The following PCDHGA12 variants were observed in gnomAD, a reference collection of about 807,000 sequenced individuals.
The protein encoded by PCDHGA12 is protocadherin gamma-A12.
PCDHGA12 carries 43 observed loss-of-function variants against 61.1 expected under a neutral mutation model. The observed-to-expected ratio is 0.70, with a 90% CI of 0.55 to 0.91. The LOEUF (loss-of-function observed/expected upper bound fraction) is 0.91. Ranked by LOEUF, PCDHGA12 falls within the 40% of genes least tolerant of loss-of-function variation. PCDHGA12 has a pLI of 0.00. For missense variants in PCDHGA12, 1,236 were observed against 1,227.7 expected (o/e 1.01, Z -0.10); for synonymous variants, 520 against 542.9 (o/e 0.96, Z 0.59).
At position 141,432,999 on chromosome 5, in the gene PCDHGA12, A is replaced by G. The variant is rs745921704; in HGVS notation, c.2240A>G (p.Gln747Arg). The G allele has an allele frequency of 1.1e-5, 17 of 1,614,046 alleles. No individual in the cohort carries two copies. Among genetic ancestry groups the G allele is most frequent in the East Asian group, 4.5e-5 (2 of 44,862 alleles). Residue 747 changes from glutamine to arginine, a missense_variant, in exon 1 of 4, where the codon CAG (glutamine) becomes CGG (arginine). Coordinates refer to ENST00000252085, the MANE Select transcript of PCDHGA12 (RefSeq NM_003735.3). This position sits in a 1 kb window ranked among gnomAD's most constrained non-coding sequence, Gnocchi z 6.0. ...ASHFVGVDGV[Q>R]AFLQTYSHEV... ...CACTTTGTGGGCGTGGACGGGGTGC[A>G]GGCTTTCCTGCAGACCTATTCCCAC...
intron 1 of PCDHGA12, among the ~76,000 whole-genome samples, chr5:141,481,675 C>T (rs943204061): frequency 4.0e-5 from 6 of 151,490 alleles, no homozygotes; most frequent in Non-Finnish European, 5.9e-5. Context: ...AAAATCAGGC[C>T]GGGCCTGGTG....
chr5:141,480,074 A>G (rs976924380), intron 1 of PCDHGA12, among the ~76,000 whole-genome samples: 5 of 152,196 alleles, frequency 3.3e-5, no homozygotes, highest in Non-Finnish European at 7.3e-5. Flanking sequence ...TATAAGATTC[A>G]TGCATGATAT....
chr5:141,463,990 G>C (rs2099073582), intron 1 of PCDHGA12, among the ~76,000 whole-genome samples: 1 of 151,990 alleles, frequency 6.6e-6, no homozygotes, highest in Admixed American at 6.6e-5. Context: ...TAAAAACCAG[G>C]TGCAGTGGCT....
intron 1 of PCDHGA12, among the ~76,000 whole-genome samples, chr5:141,438,745 T>C (rs1004731034): frequency 4.7e-5 from 7 of 147,392 alleles, no homozygotes; most frequent in Non-Finnish European, 1.0e-4. Flanking sequence ...CACTGCAACC[T>C]CTGCCTCCTG....
At chr5:141,482,033 C>G (rs1185284483) in intron 1 of PCDHGA12, among the ~76,000 whole-genome samples, 1 of 149,194 alleles carries the variant, frequency 6.7e-6, no homozygotes, top group African/African-American at 2.5e-5. Flanking sequence ...TGCAGTGAGC[C>G]AAGATCATGC....
chr5:141,501,290 TACACACACAC>T (rs55762287), intron 2 of PCDHGA12, among the ~76,000 whole-genome samples: 44 of 136,248 alleles, frequency 3.2e-4, no homozygotes, highest in Admixed American at 7.8e-4. Context: ...TATTCCCTTA[TACACACACAC>T]ACACACACAC....
intron 1 of PCDHGA12, among the ~76,000 whole-genome samples, chr5:141,434,225 G>A (rs1591320318): frequency 6.6e-6 from 1 of 152,146 alleles, no homozygotes; most frequent in African/African-American, 2.4e-5. Flanking sequence ...AACAAAGTAC[G>A]ATTTCTGGAC....
At chr5:141,503,814 T>C (rs539980053) in intron 2 of PCDHGA12, among the ~76,000 whole-genome samples, 2 of 152,100 alleles carry the variant, frequency 1.3e-5, no homozygotes, top group East Asian at 3.9e-4. Flanking sequence ...GAATCCCAGA[T>C]TGGGCAAAAC....
intron 2 of PCDHGA12, among the ~76,000 whole-genome samples, chr5:141,503,091 G>A (rs2099818095): frequency 6.6e-6 from 1 of 151,808 alleles, no homozygotes; most frequent in African/African-American, 2.4e-5. Flanking sequence ...CTGACCTCGT[G>A]GTCTGCCCGC....
intron 1 of PCDHGA12, among the ~76,000 whole-genome samples, chr5:141,451,780 C>T (rs988572200): frequency 6.6e-6 from 1 of 152,016 alleles, no homozygotes; most frequent in Non-Finnish European, 1.5e-5. Flanking sequence ...ACTCAGGAGG[C>T]TGAGGCCAGA....
chr5:141,450,569 T>G (rs1325535745), intron 1 of PCDHGA12, among the ~76,000 whole-genome samples: 1 of 149,800 alleles, frequency 6.7e-6, no homozygotes, highest in African/African-American at 2.5e-5. Flanking sequence ...TCACTGCAAC[T>G]TCTGCCTCCC....
At chr5:141,456,404 G>A (rs935040352) in intron 1 of PCDHGA12, among the ~76,000 whole-genome samples, 4 of 152,104 alleles carry the variant, frequency 2.6e-5, no homozygotes, top group Non-Finnish European at 4.4e-5. Flanking sequence ...TTGCTTCTAG[G>A]CGAGAAGAAA....
chr5:141,479,939 A>G (rs763454741), intron 1 of PCDHGA12, among the ~76,000 whole-genome samples: 2 of 152,004 alleles, frequency 1.3e-5, no homozygotes, highest in Non-Finnish European at 2.9e-5. Flanking sequence ...ATTGCTATCA[A>G]CTCTTGGATT....
Position 141,431,804 on chromosome 5 carries a change from C to G in PCDHGA12, c.1045C>G (p.Leu349Val). The change falls in exon 1 of 4, where the codon CTC (leucine) becomes GTC (valine). Residue 349 changes from leucine to valine, a missense_variant. Physicochemically the swap from Leu to Val is conservative, Grantham distance 32. Transcript: ENST00000252085. This position sits in a 1 kb window ranked among gnomAD's most constrained non-coding sequence, Gnocchi z 4.8. ...DVNDNAPEVV[L>V]TSLASSVPEN... Reference sequence around the variant, plus strand: ...GAACGACAATGCCCCAGAAGTGGTCCTCACCTCTCTCGCCAGCTCGGTTCC... The same window carrying G: ...GAACGACAATGCCCCAGAAGTGGTCGTCACCTCTCTCGCCAGCTCGGTTCC... 6.2e-7 allele frequency: 1 copy of G among 1,614,232 alleles called. No homozygotes were observed. The highest frequency in any genetic ancestry group is 1.3e-5 in the African/African-American group (1 of 75,056).
At chr5:141,465,150 G>A (rs192648619) in intron 1 of PCDHGA12, among the ~76,000 whole-genome samples, 474 of 151,492 alleles carry the variant, frequency 3.1e-3, no homozygotes, top group Middle Eastern at 0.024. Context: ...GATATATGAA[G>A]GGACTCTAAA....
chr5:141,436,384 C>A lies in PCDHGA12; in HGVS notation c.2424+3201C>A, dbSNP rs1048094484. 2.6e-5 allele frequency among the ~76,000 whole-genome samples: 4 copies of A among 152,222 alleles called. 1 individual carries two copies. Among genetic ancestry groups the A allele is most frequent in the Non-Finnish European group, 4.4e-5 (3 of 67,978 alleles). On this transcript the variant is annotated intron_variant, in intron 1 of 3. Coordinates refer to ENST00000252085, the MANE Select transcript of PCDHGA12 (RefSeq NM_003735.3). The stretch of plus-strand genomic sequence containing the variant: ...ATGTTTCCAGTTTAAGCTGAATAGG[C>A]TTTATTAAATAGTTGTTGAATGAAT...
Position 141,483,626 on chromosome 5 carries a change from G to A in PCDHGA12, c.2425-11181G>A, listed in dbSNP as rs112905417. On this transcript the variant is annotated intron_variant, in intron 1 of 3. Coordinates refer to ENST00000252085, the MANE Select transcript of PCDHGA12 (RefSeq NM_003735.3). ...TTACACCTCCATCATTCCCATGGGA[G>A]AAGGTATAGAGGGGTGTGTGTTTGT... Among the ~76,000 whole-genome samples the A allele has an allele frequency of 6.0e-4, 90 of 150,886 alleles. 1 individual carries two copies. The highest frequency in any genetic ancestry group is 1.7e-3 in the African/African-American group (69 of 40,378).
intron 1 of PCDHGA12, chr5:141,478,312 C>T (rs768312280): frequency 8.1e-6 from 13 of 1,614,002 alleles, no homozygotes; most frequent in East Asian, 2.2e-5. Flanking sequence ...CCCCGGTGAG[C>T]TCACTGTACC....
intron 1 of PCDHGA12, among the ~76,000 whole-genome samples, chr5:141,448,784 C>CAA (rs576464275): frequency 4.8e-5 from 7 of 145,806 alleles, no homozygotes; most frequent in East Asian, 2.0e-4. Context: ...ACTAAAAATA[C>CAA]AAAAAAAAAA....
Sources: allele counts gnomAD v4.1 joint callset (sites outside exome capture counted in the v4.1 genomes callset), GRCh38; gene constraint gnomAD v4.1.1; non-coding constraint Gnocchi (gnomAD v3.1); transcripts MANE v1.5; gene names NCBI Gene and HGNC (gene_info 2026-07-23, HGNC 2026-07-21).